MROH9: variants seen among roughly 807,000 people sequenced by gnomAD.
MROH9 encodes the protein maestro heat-like repeat-containing protein family member 9.
Under a neutral mutation model 98.2 loss-of-function variants are expected in MROH9, and 92 were observed. The observed-to-expected ratio is 0.94, with a 90% confidence interval of 0.79 to 1.11. MROH9 has a LOEUF of 1.11. Among genes scored for constraint, MROH9 ranks in the 50% most tolerant of loss-of-function variants. The probability of loss-of-function intolerance (pLI) is 0.00; values close to 1 mark genes in which losing one functional copy is unlikely to be tolerated. For missense variants in MROH9, 1,057 were observed against 1,014.8 expected, an observed-to-expected ratio of 1.04 and a Z score of -0.57; for synonymous variants, 397 against 368.9, an observed-to-expected ratio of 1.08 and a Z score of -0.87.
intron 20 of MROH9, among the ~76,000 whole-genome samples, chr1:171,027,603 G>T (rs1368849298): frequency 6.6e-6 from 1 of 152,086 alleles, no homozygotes; most frequent in Non-Finnish European, 1.5e-5. Context: ...TGGTATTTCT[G>T]GTCCTAGATC....
At chr1:171,046,551 C>A (rs947748238) in intron 20 of MROH9, among the ~76,000 whole-genome samples, 4 of 152,142 alleles carry the variant, frequency 2.6e-5, no homozygotes, top group South Asian at 2.1e-4. Flanking sequence ...CATAAACAAA[C>A]AAGATGCCTT....
At chr1:170,980,100 A>C (rs1272323076) in intron 8 of MROH9, among the ~76,000 whole-genome samples, 1 of 152,236 alleles carries the variant, frequency 6.6e-6, no homozygotes, top group Non-Finnish European at 1.5e-5. Context: ...ACACAAAAAA[A>C]TAGAAAAACA....
intron 20 of MROH9, among the ~76,000 whole-genome samples, 192 bp downstream of exon 20, chr1:171,025,612 G>C (rs1021090712): frequency 1.3e-5 from 2 of 152,022 alleles, no homozygotes; most frequent in East Asian, 1.9e-4. Flanking sequence ...GAATATAGCT[G>C]TATGGTTGAT....
chr1:171,025,380 C>T lies in MROH9; in HGVS notation c.2241C>T (p.Ser747=). 1 of 1,549,598 alleles carries T rather than the reference C, an allele frequency of 6.5e-7. No individual in the cohort carries two copies. Among genetic ancestry groups the T allele is most frequent in the Non-Finnish European group, 8.7e-7 (1 of 1,145,322 alleles). ...LTSDTLRFLW[S]PRTYLKRASV... ...CTGATACCTTACGATTCCTGTGGAG[C>T]CCCAGAACATATCTTAAGAGGGCAT... is the stretch of plus-strand genomic sequence containing the variant. The change falls in exon 20 of 22, where the codon AGC becomes AGT. Residue 747 remains serine, a synonymous_variant. Coordinates refer to ENST00000367759, the MANE Select transcript of MROH9 (RefSeq NM_001163629.2).
chr1:170,942,496 A>C (rs1052805934), intron 1 of MROH9, among the ~76,000 whole-genome samples: 6 of 152,040 alleles, frequency 3.9e-5, no homozygotes, highest in Non-Finnish European at 7.4e-5. Flanking sequence ...ATCCTGTGAA[A>C]ATTTTTAAGA....
intron 20 of MROH9, among the ~76,000 whole-genome samples, chr1:171,057,889 A>T (rs1218887843): frequency 6.6e-6 from 1 of 152,206 alleles, no homozygotes; most frequent in Non-Finnish European, 1.5e-5. Flanking sequence ...TGAAGAAGAA[A>T]TAAAATCATT....
At chr1:170,979,712 A>G (rs1235157920) in intron 8 of MROH9, among the ~76,000 whole-genome samples, 2 of 152,168 alleles carry the variant, frequency 1.3e-5, no homozygotes, top group East Asian at 3.8e-4. Flanking sequence ...CTGGGAGAAA[A>G]TATTTGCAAA....
chr1:171,033,718 C>G (rs551583582), intron 20 of MROH9, among the ~76,000 whole-genome samples: 2 of 152,198 alleles, frequency 1.3e-5, no homozygotes, highest in South Asian at 4.2e-4. Flanking sequence ...GCTGCTGTTT[C>G]TATTCGGCCA....
At chr1:171,034,092 T>C (rs1054612375) in intron 20 of MROH9, among the ~76,000 whole-genome samples, 3 of 152,266 alleles carry the variant, frequency 2.0e-5, no homozygotes, top group South Asian at 4.1e-4. Flanking sequence ...ACTTCTTTAC[T>C]TCAATATTCC....
At chr1:171,049,140 T>C (rs149459476) in intron 20 of MROH9, among the ~76,000 whole-genome samples, 2 of 152,214 alleles carry the variant, frequency 1.3e-5, no homozygotes, top group East Asian at 3.9e-4. Context: ...CAGCACTGCC[T>C]TGGATGATCA....
intron 8 of MROH9, among the ~76,000 whole-genome samples, chr1:170,979,964 T>C (rs1209983444): frequency 1.3e-5 from 2 of 152,046 alleles, no homozygotes; most frequent in Non-Finnish European, 2.9e-5. Context: ...AAGAGCCAAA[T>C]CATGAATGGA....
At chr1:170,964,171 C>T (rs1650135845) in intron 6 of MROH9, among the ~76,000 whole-genome samples, 1 of 151,940 alleles carries the variant, frequency 6.6e-6, no homozygotes, top group Admixed American at 6.6e-5. Flanking sequence ...TCTTCCATTT[C>T]ACAGATTTAA....
chr1:171,003,917 T>C (rs1026507844), intron 15 of MROH9, among the ~76,000 whole-genome samples: 1 of 152,048 alleles, frequency 6.6e-6, no homozygotes, highest in Non-Finnish European at 1.5e-5. Flanking sequence ...GGTCTTGCCA[T>C]GGCTGCTGTA....
chr1:171,024,832 A>AT, intron 19 of MROH9, 67 bp downstream of exon 19: 1 of 943,692 alleles, frequency 1.1e-6, no homozygotes, highest in South Asian at 1.5e-5. Context: ...ATCCAAAGTG[A>AT]TAAAAACTGT....
chr1:170,940,168 G>T (rs76486392), intron 1 of MROH9, among the ~76,000 whole-genome samples: 54 of 152,292 alleles, frequency 3.5e-4, no homozygotes, highest in Middle Eastern at 3.4e-3. Context: ...GCTTTAGGAG[G>T]TACCAGATGC....
At chr1:171,061,374 A>T (rs1654010372) in intron 20 of MROH9, among the ~76,000 whole-genome samples, 1 of 152,174 alleles carries the variant, frequency 6.6e-6, no homozygotes, top group Non-Finnish European at 1.5e-5. Flanking sequence ...ACCAAACAGC[A>T]GTTATACAAA....
At chr1:170,945,798 C>T (rs1170406057) in intron 2 of MROH9, among the ~76,000 whole-genome samples, 1 of 151,940 alleles carries the variant, frequency 6.6e-6, no homozygotes, top group Admixed American at 6.6e-5. Context: ...AAATAGAAGA[C>T]ATATTCTCTG....
At chr1:170,948,717 A>C (rs1393652685) in intron 3 of MROH9, among the ~76,000 whole-genome samples, 2 of 152,070 alleles carry the variant, frequency 1.3e-5, no homozygotes, top group African/African-American at 2.4e-5. Flanking sequence ...ATATTCAGGA[A>C]ATGATAGAAG....
At position 171,050,321 on chromosome 1, in the gene MROH9, G is replaced by A. The variant is rs1042680728; in HGVS notation, c.2282-11811G>A. 3.3e-5 allele frequency among the ~76,000 whole-genome samples: 5 copies of A among 152,208 alleles called. No individual in the cohort carries two copies. The South Asian group carries it at 1.0e-3, about 32-fold the overall frequency. On this transcript the variant is annotated intron_variant, in intron 20 of 21. Coordinates refer to ENST00000367759, the MANE Select transcript of MROH9 (RefSeq NM_001163629.2). ...ATTTTTGTATATGGTAAGAAACAGGGATTTTTAAAATTTGTGTCATCTAAA... is the reference window on the plus strand; with the variant it reads ...ATTTTTGTATATGGTAAGAAACAGGAATTTTTAAAATTTGTGTCATCTAAA...
Sources: allele counts gnomAD v4.1 joint callset (sites outside exome capture counted in the v4.1 genomes callset), GRCh38; gene constraint gnomAD v4.1.1; transcripts MANE v1.5; gene names NCBI Gene and HGNC (gene_info 2026-07-23, HGNC 2026-07-21).